Variants in CNTN1 observed in about 807,000 individuals in gnomAD.
CNTN1 encodes the protein contactin 1.
A neutral mutation model predicts 126.4 loss-of-function variants in CNTN1; 38 were observed. That is an observed-to-expected ratio of 0.30 (90% CI 0.23 to 0.39). The LOEUF (loss-of-function observed/expected upper bound fraction) is 0.39. Among genes scored for constraint, CNTN1 ranks in the 10% least tolerant of loss-of-function variants. The pLI is 1.00. For missense variants in CNTN1, 1,009 were observed against 1,248.4 expected (o/e 0.81, Z 2.89); for synonymous variants, 413 against 422.6 (o/e 0.98, Z 0.28).
intron 1 of CNTN1, among the ~76,000 whole-genome samples, chr12:40,741,279 C>G (rs1194384707): frequency 6.6e-6 from 1 of 152,044 alleles, no homozygotes; most frequent in Admixed American, 6.6e-5. Context: ...CACTTTAAAT[C>G]AGCTTTAATA....
chr12:40,885,149 A>G (rs1298094756), intron 1 of CNTN1, among the ~76,000 whole-genome samples: 2 of 151,778 alleles, frequency 1.3e-5, no homozygotes, highest in African/African-American at 4.8e-5. Flanking sequence ...CCTGGTTTAA[A>G]TCTTAATTCC....
chr12:40,725,862 C>T (rs1414295767), intron 1 of CNTN1, among the ~76,000 whole-genome samples: 1 of 151,178 alleles, frequency 6.6e-6, no homozygotes, highest in Non-Finnish European at 1.5e-5. Flanking sequence ...TTCTTTGACA[C>T]AAGGAGGCCA....
chr12:41,035,769 C>T (rs1447369055), intron 23 of CNTN1, among the ~76,000 whole-genome samples: 2 of 152,096 alleles, frequency 1.3e-5, no homozygotes, highest in East Asian at 3.9e-4. Flanking sequence ...ATGTCAAGGA[C>T]CTGAAAGGAG....
At chr12:40,872,208 T>G (rs1292386320) in intron 1 of CNTN1, among the ~76,000 whole-genome samples, 40 of 124,140 alleles carry the variant, frequency 3.2e-4, no homozygotes, top group African/African-American at 1.1e-3. Flanking sequence ...TTCCGTTGCT[T>G]TGTTTGTGTG....
chr12:41,007,799 A>C (rs1948540126), intron 17 of CNTN1, among the ~76,000 whole-genome samples: 2 of 152,200 alleles, frequency 1.3e-5, no homozygotes, highest in African/African-American at 2.4e-5. Flanking sequence ...GACAAAGGGA[A>C]GAGAAGATGG....
At chr12:40,712,057 G>T (rs1025425210) in intron 1 of CNTN1, among the ~76,000 whole-genome samples, 5 of 151,922 alleles carry the variant, frequency 3.3e-5, no homozygotes, top group African/African-American at 1.2e-4. Flanking sequence ...CTTACTTCAC[G>T]GTTCTTTGCC....
At chr12:40,991,444 T>C (rs1035567869) in intron 16 of CNTN1, among the ~76,000 whole-genome samples, 2 of 152,090 alleles carry the variant, frequency 1.3e-5, no homozygotes, top group African/African-American at 4.8e-5. Context: ...AATTTGGACA[T>C]GGACATTTTT....
At chr12:40,967,266 A>T (rs1380346763) in intron 15 of CNTN1, among the ~76,000 whole-genome samples, 1 of 152,094 alleles carries the variant, frequency 6.6e-6, no homozygotes, top group Non-Finnish European at 1.5e-5. Flanking sequence ...GTGGATCAGG[A>T]GGTCAGGAGT....
intron 1 of CNTN1, among the ~76,000 whole-genome samples, chr12:40,870,287 A>C (rs1015007572): frequency 6.6e-6 from 1 of 152,176 alleles, no homozygotes; most frequent in Non-Finnish European, 1.5e-5. Flanking sequence ...ATATTAACAT[A>C]AAATGACTGA....
chr12:40,885,376 A>T (rs1461021778), intron 1 of CNTN1, among the ~76,000 whole-genome samples: 2 of 151,926 alleles, frequency 1.3e-5, no homozygotes, highest in African/African-American at 2.4e-5. Flanking sequence ...ACCATTTTTT[A>T]TGAAGTTTTT....
intron 1 of CNTN1, among the ~76,000 whole-genome samples, chr12:40,754,503 T>C (rs1190918223): frequency 1.3e-5 from 2 of 152,140 alleles, no homozygotes; most frequent in African/African-American, 4.8e-5. Context: ...CATTGTTTTT[T>C]AATGGTTTTG....
At chr12:40,810,928 A>T (rs1941037223) in intron 1 of CNTN1, among the ~76,000 whole-genome samples, 1 of 152,182 alleles carries the variant, frequency 6.6e-6, no homozygotes, top group South Asian at 2.1e-4. Flanking sequence ...ACTTGACCCC[A>T]GAAGTTTGAG....
chr12:40,920,974 C>T (rs1291235997), intron 4 of CNTN1, among the ~76,000 whole-genome samples: 1 of 152,050 alleles, frequency 6.6e-6, no homozygotes, highest in African/African-American at 2.4e-5. Context: ...GGAGAAATTA[C>T]AAAAATTGGA....
chr12:40,833,395 C>T (rs1298489337), intron 1 of CNTN1, among the ~76,000 whole-genome samples: 1 of 152,106 alleles, frequency 6.6e-6, no homozygotes, highest in African/African-American at 2.4e-5. Flanking sequence ...TGCACCTGGC[C>T]AACAAGTTGT....
intron 17 of CNTN1, among the ~76,000 whole-genome samples, chr12:41,013,138 G>C (rs888989984): frequency 8.5e-5 from 13 of 152,106 alleles, no homozygotes; most frequent in Non-Finnish European, 1.8e-4. Context: ...GGTTTGATCA[G>C]GTATGATGTT....
chr12:40,831,017 G>T (rs1044151479), intron 1 of CNTN1, among the ~76,000 whole-genome samples: 3 of 132,708 alleles, frequency 2.3e-5, no homozygotes, highest in Non-Finnish European at 4.7e-5. Context: ...TTAATATATA[G>T]TATAGTATAT....
rs1450223796 is a variant in CNTN1 at position 40,751,496 on chromosome 12, GGA to G, written c.-77+58913_-77+58914del. Among the ~76,000 whole-genome samples the G allele has an allele frequency of 4.6e-5, 7 of 151,972 alleles. No homozygotes were observed. The East Asian group carries it at 5.8e-4, about 13-fold the overall frequency. ...TTTTGTATCAGGAGAAGGAGTCAAA[GGA>G]GAGAGAGAAATAAAGGAGGTGTCTC... On this transcript the variant is annotated intron_variant, in intron 1 of 23. Transcript: ENST00000551295.
intron 18 of CNTN1, among the ~76,000 whole-genome samples, chr12:41,016,344 G>T (rs908817205): frequency 6.6e-6 from 1 of 152,096 alleles, no homozygotes; most frequent in Non-Finnish European, 1.5e-5. Context: ...ACCTGTGGTC[G>T]GAGAAAACGT....
intron 1 of CNTN1, among the ~76,000 whole-genome samples, chr12:40,793,340 G>C (rs981834674): frequency 6.6e-6 from 1 of 151,958 alleles, no homozygotes; most frequent in Non-Finnish European, 1.5e-5. Context: ...TGCACATTAA[G>C]AGAAATTTGT....
Sources: allele counts gnomAD v4.1 joint callset (sites outside exome capture counted in the v4.1 genomes callset), GRCh38; gene constraint gnomAD v4.1.1; transcripts MANE v1.5; gene names NCBI Gene and HGNC (gene_info 2026-07-23, HGNC 2026-07-21).